TOR1AIP1: variants seen among roughly 807,000 people sequenced by gnomAD.
The protein encoded by TOR1AIP1 is torsin 1A interacting protein 1.
Under a neutral mutation model 63.3 loss-of-function variants are expected in TOR1AIP1, and 54 were observed. The ratio of observed to expected loss-of-function variants is 0.85; its 90% CI spans 0.69 to 1.07. The LOEUF is 1.07. Ranked by LOEUF, TOR1AIP1 falls within the 50% of genes least tolerant of loss-of-function variation. TOR1AIP1 has a pLI of 0.00. For missense variants in TOR1AIP1, 736 were observed against 715.0 expected (o/e 1.03, Z -0.33); for synonymous variants, 294 against 273.5 (o/e 1.07, Z -0.74).
rs757462657 is a variant in TOR1AIP1, at chr1:179,913,971, G to A, written c.908-27G>A. The A allele has an allele frequency of 5.0e-6, 8 of 1,598,744 alleles. No individual in the cohort carries two copies. The East Asian group carries it at 1.3e-4, about 27-fold the overall frequency. The stretch of plus-strand genomic sequence containing the variant: ...TCAAATTATGAAGCATAAGTTGATA[G>A]TCTTATTTTATTACTCTCACCATTA... On this transcript the variant is annotated intron_variant, in intron 8 of 9. Transcript: ENST00000606911.
Position 179,882,459 on chromosome 1 carries a change from C to T in TOR1AIP1, c.-44C>T. 1 of 1,412,138 alleles carries T rather than the reference C, an allele frequency of 7.1e-7. No individual in the cohort carries two copies. The highest frequency in any genetic ancestry group is 9.3e-7 in the Non-Finnish European group (1 of 1,080,212). 87.5% of individuals were successfully genotyped at this position (1,412,138 alleles called of 1,614,324 possible). A position where few individuals can be genotyped will look rare whatever the true frequency, so the allele number is the denominator to read the frequency against. On this transcript the variant is annotated 5_prime_UTR_variant, in exon 1 of 10. Transcript: ENST00000606911. ...CACCACCGGCAGGAGAACCTAGGGTCCATAAAGCCATCTTCGCGATCGACT... is the reference window on the plus strand; with the variant it reads ...CACCACCGGCAGGAGAACCTAGGGTTCATAAAGCCATCTTCGCGATCGACT...
At chr1:179,913,959 C>T in intron 8 of TOR1AIP1, 39 bp from the exon 9 acceptor site, 1 of 1,552,112 alleles carries the variant, frequency 6.4e-7, no homozygotes, top group Non-Finnish European at 8.8e-7. Flanking sequence ...AATTATGAAG[C>T]ATAAGTTGAT....
In TOR1AIP1 at chr1:179,908,592, G is replaced by A. The variant is rs1428313902; in HGVS notation, c.839-13G>A. On this transcript the variant is annotated splice_polypyrimidine_tract_variant and intron_variant, in intron 7 of 9. Coordinates refer to ENST00000606911, the MANE Select transcript of TOR1AIP1 (RefSeq NM_015602.4). ...TATGGGAAATTATCTTTTGATATATGTATTTGCTTCAGGCTCAGGATATCA... is the reference window on the plus strand; with the variant it reads ...TATGGGAAATTATCTTTTGATATATATATTTGCTTCAGGCTCAGGATATCA... 6.2e-7 allele frequency: 1 copy of A among 1,608,072 alleles called. No homozygotes were observed.
rs2148485166 is a variant in TOR1AIP1, at chr1:179,919,831, TA to T, written c.*1593del. Reference sequence around the variant, plus strand: ...ACCCCTTACTGTAATTTGTTCCTCTTAGAAGTCAGATCATCTGATTTATAGA... The same window carrying T: ...ACCCCTTACTGTAATTTGTTCCTCTTGAAGTCAGATCATCTGATTTATAGA... On this transcript the variant is annotated 3_prime_UTR_variant, in exon 10 of 10. Transcript: ENST00000606911. The T allele has an allele frequency of 6.6e-6, 1 of 152,320 alleles. No homozygotes were observed. Among genetic ancestry groups the T allele is most frequent in the East Asian group, 1.9e-4 (1 of 5,184 alleles). 9.4% of individuals were successfully genotyped at this position (152,320 alleles called of 1,614,324 possible). A position where few individuals can be genotyped will look rare whatever the true frequency, so the allele number is the denominator to read the frequency against.
chr1:179,889,857 T>C (rs538018166), intron 3 of TOR1AIP1, among the ~76,000 whole-genome samples: 6 of 152,250 alleles, frequency 3.9e-5, no homozygotes, highest in Non-Finnish European at 8.8e-5. Context: ...TTTGCCATGT[T>C]ACCCACATGA....
At chr1:179,884,826 T>C (rs1647866979) in intron 2 of TOR1AIP1, 57 bp downstream of exon 2, 1 of 1,355,432 alleles carries the variant, frequency 7.4e-7, no homozygotes, top group Non-Finnish European at 1.0e-6. Flanking sequence ...TAAATGTTCA[T>C]TGAATTAAAC....
intron 8 of TOR1AIP1, among the ~76,000 whole-genome samples, chr1:179,910,397 TTTC>T (rs1293347743): frequency 6.6e-6 from 1 of 152,218 alleles, no homozygotes; most frequent in Non-Finnish European, 1.5e-5. Flanking sequence ...TGGCTCTGCT[TTTC>T]CATCAGTAAA....
chr1:179,889,855 G>GTTAC (rs1463738030), intron 3 of TOR1AIP1, among the ~76,000 whole-genome samples: 1 of 152,014 alleles, frequency 6.6e-6, no homozygotes, highest in Non-Finnish European at 1.5e-5. Flanking sequence ...GTTTTGCCAT[G>GTTAC]TTACCCACAT....
intron 3 of TOR1AIP1, among the ~76,000 whole-genome samples, chr1:179,890,170 C>T (rs1304240095): frequency 3.3e-5 from 5 of 152,148 alleles, no homozygotes. Flanking sequence ...CAAAATGTCC[C>T]TCCCTCAGTT....
At position 179,907,883 on chromosome 1, in the gene TOR1AIP1, G is replaced by C; in HGVS notation, c.838+19G>C. On this transcript the variant is annotated intron_variant, in intron 7 of 9. Transcript: ENST00000606911. ...GTGCTAAGTAAGTAGTTGGTTGTCTGCTCTTTTTTCAGCCAATCAATTCTT... is the reference window on the plus strand; with the variant it reads ...GTGCTAAGTAAGTAGTTGGTTGTCTCCTCTTTTTTCAGCCAATCAATTCTT... 6.9e-7 allele frequency: 1 copy of C among 1,450,120 alleles called. No individual in the cohort carries two copies. The highest frequency in any genetic ancestry group is 9.3e-7 in the Non-Finnish European group (1 of 1,070,570). 89.8% of individuals were successfully genotyped at this position (1,450,120 alleles called of 1,614,324 possible). A position where few individuals can be genotyped will look rare whatever the true frequency, so the allele number is the denominator to read the frequency against.
At chr1:179,906,911 A>G (rs574703408) in intron 6 of TOR1AIP1, among the ~76,000 whole-genome samples, 2 of 151,124 alleles carry the variant, frequency 1.3e-5, no homozygotes, top group East Asian at 4.0e-4. Flanking sequence ...CTAATTTTTT[A>G]TATATTTAGT....
At chr1:179,883,100 C>T (rs1482083566) in intron 1 of TOR1AIP1, 123 bp downstream of exon 1, 4 of 890,598 alleles carry the variant, frequency 4.5e-6, no homozygotes, top group Middle Eastern at 3.3e-4. Flanking sequence ...AAGGGTATTC[C>T]TCAGCCCCCT....
At chr1:179,901,233 G>A in intron 4 of TOR1AIP1, 69 bp from the exon 5 acceptor site, 1 of 1,060,444 alleles carries the variant, frequency 9.4e-7, no homozygotes, top group Admixed American at 2.4e-5. Flanking sequence ...TATTTGCTTG[G>A]TTTTTTTAAA....
chr1:179,884,543 C>G, intron 1 of TOR1AIP1, 149 bp from the exon 2 acceptor site: 1 of 581,862 alleles, frequency 1.7e-6, no homozygotes, highest in South Asian at 2.3e-5. Context: ...GGTATATTTC[C>G]TAAGTTTTGG....
rs747516787 is a variant in TOR1AIP1, at chr1:179,882,664, G to C, written c.162G>C (p.Arg54=). 1 of 1,589,662 alleles carries C rather than the reference G, an allele frequency of 6.3e-7. No individual in the cohort carries two copies. The highest frequency in any genetic ancestry group is 1.1e-5 in the South Asian group (1 of 88,384). ...AYRTPPSRQG[R]REVRFSDEPP... ...GAACTCCTCCGTCGCGCCAGGGCCG[G>C]CGGGAAGTGAGGTTCTCGGACGAGC... Residue 54 remains arginine, a synonymous_variant, in exon 1 of 10, where the codon CGG becomes CGC. Coordinates refer to ENST00000606911, the MANE Select transcript of TOR1AIP1 (RefSeq NM_015602.4).
At position 179,882,732 on chromosome 1, in the gene TOR1AIP1, A is replaced by T; in HGVS notation, c.230A>T (p.Glu77Val). ...YGDFEPLVAK[E>V]RSPVGKRTRL... is the part of the protein sequence containing the mutation. ...GACTTCGAGCCCCTGGTGGCCAAAG[A>T]AAGGTCCCCGGTGGGAAAACGAACC... is the stretch of plus-strand genomic sequence containing the variant. The change falls in exon 1 of 10, where the codon GAA becomes GTA. Residue 77 changes from glutamate to valine, a missense_variant. This residue lies in a region of TOR1AIP1 where 464 missense variants were observed against 371.0 expected (regional missense o/e 1.25). Transcript: ENST00000606911. 1 of 1,613,946 alleles carries T rather than the reference A, an allele frequency of 6.2e-7. No homozygotes were observed. Among genetic ancestry groups the T allele is most frequent in the Non-Finnish European group, 8.5e-7 (1 of 1,179,944 alleles).
chr1:179,909,593 A>C (rs1436295655), intron 8 of TOR1AIP1, among the ~76,000 whole-genome samples: 2 of 151,980 alleles, frequency 1.3e-5, no homozygotes, highest in East Asian at 3.9e-4. Flanking sequence ...GTATTGTTAC[A>C]CGCCTGGCTA....
chr1:179,917,758 G>A lies in TOR1AIP1; in HGVS notation c.1271G>A (p.Cys424Tyr). 1.2e-6 allele frequency: 2 copies of A among 1,614,210 alleles called. No individual in the cohort carries two copies. The highest frequency in any genetic ancestry group is 1.7e-6 in the Non-Finnish European group (2 of 1,180,032). Residue 424 changes from cysteine to tyrosine, a missense_variant, in exon 10 of 10, where the codon TGT becomes TAT. Physicochemically the swap from Cys to Tyr is radical, Grantham distance 194 (BLOSUM62 -2). Transcript: ENST00000606911. ...CGAGATGCTGAAGAAGCACTTAGGT[G>A]TCTGAGTGAACAAATTGCTGATGCC... Reference protein sequence around the residue: ...AARDAEEALRCLSEQIADAYS... With the variant: ...AARDAEEALRYLSEQIADAYS...
At chr1:179,909,338 T>C (rs1364999193) in intron 8 of TOR1AIP1, among the ~76,000 whole-genome samples, 1 of 152,230 alleles carries the variant, frequency 6.6e-6, no homozygotes, top group Non-Finnish European at 1.5e-5. Flanking sequence ...TAATAAAGGC[T>C]GAAATGCACA....
Sources: gnomAD v4.1 joint callset for allele counts (sites outside exome capture counted in the v4.1 genomes callset) on GRCh38, gnomAD v4.1.1 for gene constraint, gnomAD v4.1.1 regional missense constraint, MANE v1.5 for transcripts, NCBI Gene and HGNC (gene_info 2026-07-23, HGNC 2026-07-21) for gene names.